The following DOK7 variants were observed in gnomAD, a reference collection of about 807,000 sequenced individuals.
DOK7 encodes the protein docking protein 7.
DOK7 carries 32 observed loss-of-function variants against 30.7 expected under a neutral mutation model. That is an observed-to-expected ratio of 1.04 (90% CI 0.79 to 1.40). DOK7 has a LOEUF of 1.40. Among genes scored for constraint, DOK7 ranks in the 40% most tolerant of loss-of-function variants. DOK7 has a pLI of 0.00. For missense variants in DOK7, 1,007 were observed against 699.2 expected (o/e 1.44, Z -4.97); for synonymous variants, 447 against 324.1 (o/e 1.38, Z -4.07).
rs949887733 is a variant in DOK7, at chr4:3,485,437, C to T, written c.533-102C>T. 2.1e-5 allele frequency: 28 copies of T among 1,365,006 alleles called. No homozygotes were observed. In the African/African-American group the frequency reaches 3.3e-4, roughly 16 times the overall value. 84.6% of individuals were successfully genotyped at this position (1,365,006 alleles called of 1,614,324 possible). The stretch of plus-strand genomic sequence containing the variant: ...GTGGGGCCAGGCAGGGTGTCATTGT[C>T]GGCTCTTGGTGGAGTTTGCTGCGGT... On this transcript the variant is annotated intron_variant, in intron 4 of 6. Coordinates refer to ENST00000340083, the MANE Select transcript of DOK7 (RefSeq NM_173660.5).
At chr4:3,467,529 TGGA>T in intron 2 of DOK7, among the ~76,000 whole-genome samples, 1 of 141,408 alleles carries the variant, frequency 7.1e-6, no homozygotes, top group Non-Finnish European at 1.5e-5. Context: ...CCTGTGGCTG[TGGA>T]GGTGAATGCA....
chr4:3,489,599 T>A, intron 5 of DOK7, 78 bp from the exon 6 acceptor site: 1 of 1,548,742 alleles, frequency 6.5e-7, no homozygotes, highest in Non-Finnish European at 8.7e-7. Context: ...AACCACTGAG[T>A]CAGGCTGGGC....
chr4:3,495,796 A>AC (rs879146176), downstream of DOK7, among the ~76,000 whole-genome samples: 2 of 151,820 alleles, frequency 1.3e-5, no homozygotes, highest in Admixed American at 1.3e-4. Flanking sequence ...GCCTGCCCCC[A>AC]CCGGGAGCAG....
intron 4 of DOK7, 38 bp downstream of exon 4, chr4:3,476,580 C>G (rs781143229): frequency 1.9e-5 from 31 of 1,610,898 alleles, no homozygotes; most frequent in Admixed American, 1.5e-4. Context: ...GCAGCAGCAG[C>G]ACCCCCCACT....
At chr4:3,483,517 G>A (rs553835972) in intron 4 of DOK7, among the ~76,000 whole-genome samples, 69 of 152,326 alleles carry the variant, frequency 4.5e-4, no homozygotes, top group South Asian at 3.1e-3. Flanking sequence ...CGAGGGTGTC[G>A]CGTGGGCACG....
intron 4 of DOK7, among the ~76,000 whole-genome samples, chr4:3,476,834 T>C (rs1727124719): frequency 1.3e-5 from 2 of 152,244 alleles, no homozygotes; most frequent in African/African-American, 4.8e-5. Context: ...TCAGAGCCGC[T>C]CATATCCAGA....
chr4:3,493,850 T>G lies in DOK7; in HGVS notation c.*349T>G. The G allele has an allele frequency of 2.6e-6, 3 of 1,174,806 alleles. No individual in the cohort carries two copies. The South Asian group carries it at 7.9e-5, about 31-fold the overall frequency. The allele number at this position is 1,174,806 out of a possible 1,614,324, so 72.8% of individuals were successfully genotyped here. Reference sequence around the variant, plus strand: ...CTGGGGTGCCAAGGGCTGGAGGCCCTGCCGCTGGCCTTGTCCTCCTTGGGC... The same window carrying G: ...CTGGGGTGCCAAGGGCTGGAGGCCCGGCCGCTGGCCTTGTCCTCCTTGGGC... On this transcript the variant is annotated 3_prime_UTR_variant, in exon 7 of 7. Coordinates refer to ENST00000340083, the MANE Select transcript of DOK7 (RefSeq NM_173660.5).
intron 2 of DOK7, among the ~76,000 whole-genome samples, chr4:3,473,203 C>T (rs373057582): frequency 1.3e-5 from 2 of 152,240 alleles, no homozygotes; most frequent in Non-Finnish European, 2.9e-5. Context: ...AGTTCATTTC[C>T]GCTCTTGCAG....
At chr4:3,494,882 C>T (rs1352977228), downstream of DOK7, among the ~76,000 whole-genome samples, 1 of 152,198 alleles carries the variant, frequency 6.6e-6, no homozygotes, top group Non-Finnish European at 1.5e-5. Flanking sequence ...CCAGGCTTGT[C>T]TCAGTCACCC....
chr4:3,496,882 C>T (rs377578123), downstream of DOK7: 99 of 1,533,618 alleles, frequency 6.5e-5, 1 homozygote, highest in East Asian at 8.3e-4. Flanking sequence ...TGGAGCCAGT[C>T]CCCCAGAGCT....
At chr4:3,479,164 T>C (rs1356671218) in intron 4 of DOK7, among the ~76,000 whole-genome samples, 1 of 152,234 alleles carries the variant, frequency 6.6e-6, no homozygotes, top group South Asian at 2.1e-4. Context: ...TTCCTGCCCC[T>C]TCCAGCCGCT....
intron 2 of DOK7, among the ~76,000 whole-genome samples, chr4:3,464,506 C>T (rs969089735): frequency 1.4e-4 from 22 of 152,318 alleles, no homozygotes; most frequent in Middle Eastern, 6.8e-3. Context: ...CCTGGGAGGG[C>T]GTCTTTGTCC....
chr4:3,468,727 T>C (rs1222657976), intron 2 of DOK7, among the ~76,000 whole-genome samples: 1 of 145,718 alleles, frequency 6.9e-6, no homozygotes, highest in Non-Finnish European at 1.5e-5. Flanking sequence ...TGTGCGTGCC[T>C]GTATGTCTGC....
intron 2 of DOK7, among the ~76,000 whole-genome samples, chr4:3,465,477 A>G (rs1726214308): frequency 6.6e-6 from 1 of 152,178 alleles, no homozygotes; most frequent in Non-Finnish European, 1.5e-5. Flanking sequence ...GGAGAGAGGA[A>G]GGGTCCCGTC....
At chr4:3,489,982 TC>T (rs765639970) in intron 6 of DOK7, among the ~76,000 whole-genome samples, 186 bp downstream of exon 6, 1 of 127,268 alleles carries the variant, frequency 7.9e-6, no homozygotes, top group Non-Finnish European at 1.6e-5. Flanking sequence ...CATCCTTCCT[TC>T]CCCACCACCC....
At chr4:3,494,547 C>G (rs1728790060), downstream of DOK7, 1 of 983,660 alleles carries the variant, frequency 1.0e-6, no homozygotes, top group Non-Finnish European at 1.2e-6. Context: ...CGTGGGGCCT[C>G]TGCCTGGATG....
intron 6 of DOK7, among the ~76,000 whole-genome samples, chr4:3,492,503 C>T (rs958559749): frequency 1.3e-5 from 2 of 151,528 alleles, no homozygotes; most frequent in East Asian, 3.9e-4. Context: ...GGCAGGGGTG[C>T]TGAGAGGGAG....
intron 5 of DOK7, 91 bp downstream of exon 5, chr4:3,485,749 C>T: frequency 3.7e-6 from 5 of 1,357,806 alleles, no homozygotes; most frequent in Non-Finnish European, 4.8e-6. Context: ...TTGTCAGCCC[C>T]AGTTAGATGG....
intron 2 of DOK7, among the ~76,000 whole-genome samples, chr4:3,467,207 G>A (rs1160825268): frequency 2.0e-5 from 2 of 99,782 alleles, no homozygotes; most frequent in Non-Finnish European, 4.4e-5. Context: ...CTGCGTCCCC[G>A]GCCCACACAT....
Sources: allele counts gnomAD v4.1 joint callset (sites outside exome capture counted in the v4.1 genomes callset), GRCh38; gene constraint gnomAD v4.1.1; transcripts MANE v1.5; gene names NCBI Gene and HGNC (gene_info 2026-07-23, HGNC 2026-07-21).